Variants in NALF1 observed in about 807,000 individuals in gnomAD.
NALF1 encodes family with sequence similarity 155 member A.
A neutral mutation model predicts 48.4 loss-of-function variants in NALF1; 3 were observed. That is an observed-to-expected ratio of 0.06 (90% CI 0.03 to 0.16). NALF1 has a LOEUF of 0.16. NALF1 is among the 10% of genes least tolerant of loss of function. The pLI, the probability that NALF1 is intolerant of heterozygous loss-of-function variation, is 1.00. For missense variants in NALF1, 526 were observed against 571.5 expected (o/e 0.92, Z 0.81); for synonymous variants, 262 against 245.7 (o/e 1.07, Z -0.62).
intron 1 of NALF1, among the ~76,000 whole-genome samples, chr13:107,618,448 A>AT (rs1879437323): frequency 6.6e-6 from 1 of 152,324 alleles, no homozygotes; most frequent in Non-Finnish European, 1.5e-5. Context: ...TGAGTTTTCA[A>AT]TAGAAGACTT....
chr13:107,271,817 T>TATATA (rs1197703421), intron 1 of NALF1, among the ~76,000 whole-genome samples: 1 of 133,854 alleles, frequency 7.5e-6, no homozygotes, highest in African/African-American at 2.8e-5. Context: ...TATATATATA[T>TATATA]TTATATATTT....
intron 1 of NALF1, among the ~76,000 whole-genome samples, chr13:107,226,456 G>A (rs1326203688): frequency 2.0e-5 from 3 of 152,146 alleles, no homozygotes; most frequent in Admixed American, 6.5e-5. Flanking sequence ...CCAATAATCT[G>A]TTTCTTTCAC....
intron 1 of NALF1, among the ~76,000 whole-genome samples, chr13:107,397,181 A>ATC (rs1319227222): frequency 6.6e-6 from 1 of 152,198 alleles, no homozygotes; most frequent in African/African-American, 2.4e-5. Context: ...TTGCCATTCC[A>ATC]GAGTCCATGC....
At chr13:107,336,771 G>C (rs977340913) in intron 1 of NALF1, among the ~76,000 whole-genome samples, 1 of 151,974 alleles carries the variant, frequency 6.6e-6, no homozygotes, top group Non-Finnish European at 1.5e-5. Context: ...ATAAATTTAG[G>C]TTCATAAATG....
chr13:107,348,026 T>A (rs575503913), intron 1 of NALF1, among the ~76,000 whole-genome samples: 1 of 152,362 alleles, frequency 6.6e-6, no homozygotes, highest in African/African-American at 2.4e-5. Context: ...TCAGACCCCA[T>A]GGACGTTTTC....
At chr13:107,355,757 G>A (rs1882952891) in intron 1 of NALF1, among the ~76,000 whole-genome samples, 1 of 152,106 alleles carries the variant, frequency 6.6e-6, no homozygotes, top group African/African-American at 2.4e-5. Context: ...TCTGTGGAAT[G>A]ATGACCAAAT....
chr13:107,518,023 A>G (rs9514697), intron 1 of NALF1, among the ~76,000 whole-genome samples: 97,930 of 152,010 alleles, frequency 0.64, 33,881 homozygotes, highest in Middle Eastern at 0.8. Flanking sequence ...AACCTAGACA[A>G]AAACAACCCA....
intron 1 of NALF1, among the ~76,000 whole-genome samples, chr13:107,773,668 G>A (rs1460535319): frequency 7.7e-6 from 1 of 130,460 alleles, no homozygotes; most frequent in Non-Finnish European, 1.5e-5. Context: ...TCATAGGTGG[G>A]AATTGAACAA....
rs1224851535 is a variant in NALF1, at chr13:107,754,328, T to C, written c.915+111354A>G. 5.3e-5 allele frequency among the ~76,000 whole-genome samples: 8 copies of C among 149,724 alleles called. No homozygotes were observed. The South Asian group carries it at 1.7e-3, about 32-fold the overall frequency. ...GCCAAAAAGGGAATACCAGGTTACC[T>C]AGGAATTGTATTTTTGTACATTGTG... On this transcript the variant is annotated intron_variant, in intron 1 of 2. Transcript: ENST00000375915.
chr13:107,793,126 T>C lies in NALF1; in HGVS notation c.915+72556A>G, dbSNP rs78052258. ...TGGTAATAACTTATATAGTTTGACA[T>C]TAATAAGAGACAGTTGAAGGAATAC... On this transcript the variant is annotated intron_variant, in intron 1 of 2. Coordinates refer to ENST00000375915, the MANE Select transcript of NALF1 (RefSeq NM_001080396.3). Among the ~76,000 whole-genome samples the C allele has an allele frequency of 6.2e-4, 94 of 152,322 alleles. No homozygotes were observed. The East Asian group carries it at 0.016, about 25-fold the overall frequency.
At chr13:107,787,628 C>T (rs1594266971) in intron 1 of NALF1, among the ~76,000 whole-genome samples, 1 of 152,240 alleles carries the variant, frequency 6.6e-6, no homozygotes, top group East Asian at 1.9e-4. Context: ...TGCTACATTC[C>T]CGTAACTAGT....
At chr13:107,489,493 C>T (rs1422055497) in intron 1 of NALF1, among the ~76,000 whole-genome samples, 1 of 152,018 alleles carries the variant, frequency 6.6e-6, no homozygotes. Flanking sequence ...TGGTCTCTGA[C>T]AAACCAGACA....
chr13:107,366,842 C>A (rs1047597392), intron 1 of NALF1, among the ~76,000 whole-genome samples: 1 of 152,144 alleles, frequency 6.6e-6, no homozygotes, highest in South Asian at 2.1e-4. Flanking sequence ...CAGGTGTTCA[C>A]GTTCATGCTC....
At chr13:107,252,107 G>C (rs1880713619) in intron 1 of NALF1, among the ~76,000 whole-genome samples, 1 of 152,146 alleles carries the variant, frequency 6.6e-6, no homozygotes, top group East Asian at 1.9e-4. Flanking sequence ...CCCCCACTGG[G>C]CATGGGAGGC....
In NALF1 at chr13:107,736,264, CTG is replaced by C. The variant is rs1391148406; in HGVS notation, c.915+129416_915+129417del. ...AATAAGCTGTATCTAAACAGCTGCA[CTG>C]TGTTTGTTAGAAACGTGGACACTTC... On this transcript the variant is annotated intron_variant, in intron 1 of 2. Coordinates refer to ENST00000375915, the MANE Select transcript of NALF1 (RefSeq NM_001080396.3). Among the ~76,000 whole-genome samples the C allele has an allele frequency of 2.0e-5, 3 of 151,928 alleles. No individual in the cohort carries two copies. In the East Asian group the frequency reaches 5.8e-4, roughly 29 times the overall value.
chr13:107,672,798 A>C (rs947360), intron 1 of NALF1, among the ~76,000 whole-genome samples: 45,137 of 151,886 alleles, frequency 0.3, 7,608 homozygotes, highest in African/African-American at 0.46. Context: ...TGAGGTAAAA[A>C]ATTTTCCAAG....
chr13:107,613,734 C>G (rs574882455), intron 1 of NALF1, among the ~76,000 whole-genome samples: 2 of 152,216 alleles, frequency 1.3e-5, no homozygotes, highest in South Asian at 4.1e-4. Context: ...GCGCTTAGCA[C>G]AAAGTAACTA....
At chr13:107,801,657 C>T (rs549766712) in intron 1 of NALF1, among the ~76,000 whole-genome samples, 1 of 152,186 alleles carries the variant, frequency 6.6e-6, no homozygotes, top group Admixed American at 6.5e-5. Context: ...TAAATATGTG[C>T]CCTATATTGC....
At chr13:107,353,667 A>G (rs9555350) in intron 1 of NALF1, among the ~76,000 whole-genome samples, 40,252 of 152,168 alleles carry the variant, frequency 0.26, 6,126 homozygotes, top group African/African-American at 0.42. Context: ...CAATGAGGAC[A>G]TGTGGCTGAC....
Sources: gnomAD v4.1 joint callset for allele counts (sites outside exome capture counted in the v4.1 genomes callset) on GRCh38, gnomAD v4.1.1 for gene constraint, MANE v1.5 for transcripts, NCBI Gene and HGNC (gene_info 2026-07-23, HGNC 2026-07-21) for gene names.